RASEF: variants seen among roughly 807,000 people sequenced by gnomAD.
The protein encoded by RASEF is ras and EF-hand domain-containing protein.
RASEF carries 68 observed loss-of-function variants against 90.1 expected under a neutral mutation model. That is an observed-to-expected ratio of 0.75 (90% CI 0.62 to 0.92). The LOEUF (loss-of-function observed/expected upper bound fraction) is 0.92. Among genes scored for constraint, RASEF ranks in the 40% least tolerant of loss-of-function variants. RASEF has a pLI of 0.00. For missense variants in RASEF, 949 were observed against 937.2 expected (o/e 1.01, Z -0.16); for synonymous variants, 331 against 345.2 (o/e 0.96, Z 0.46).
chr9:83,013,928 G>A (rs1466126581), intron 4 of RASEF, among the ~76,000 whole-genome samples: 1 of 152,178 alleles, frequency 6.6e-6, no homozygotes, highest in African/African-American at 2.4e-5. Flanking sequence ...AACTATCCGA[G>A]GTGCTTCAGG....
chr9:83,147,378 A>G, the RASEF span, among the ~76,000 whole-genome samples: 2 of 152,194 alleles, frequency 1.3e-5, no homozygotes, highest in East Asian at 1.9e-4. Context: ...AGGTCGGCGC[A>G]TATTAAAATT....
At chr9:83,006,514 A>T (rs1265787932) in intron 7 of RASEF, among the ~76,000 whole-genome samples, 1 of 152,206 alleles carries the variant, frequency 6.6e-6, no homozygotes, top group Non-Finnish European at 1.5e-5. Context: ...TGGTGAAAAA[A>T]AAAAAGGTCA....
intron 5 of RASEF, among the ~76,000 whole-genome samples, chr9:83,011,563 A>AAAAC (rs1829245229): frequency 6.7e-6 from 1 of 150,240 alleles, no homozygotes; most frequent in African/African-American, 2.4e-5. Context: ...AAAAAAAAAA[A>AAAAC]AAAAAAAAAA....
At chr9:83,191,543 G>T in the RASEF span, among the ~76,000 whole-genome samples, 110 of 152,152 alleles carry the variant, frequency 7.2e-4, no homozygotes, top group Admixed American at 1.8e-3. Flanking sequence ...AGAATATTCA[G>T]GCATCATTTT....
the RASEF span, among the ~76,000 whole-genome samples, chr9:83,167,315 TACC>T: frequency 1.3e-5 from 2 of 150,770 alleles, no homozygotes; most frequent in Admixed American, 1.3e-4. Context: ...TTCCTGCCTC[TACC>T]ACAAGTTAGC....
chr9:83,178,281 C>T, the RASEF span, among the ~76,000 whole-genome samples: 1 of 152,174 alleles, frequency 6.6e-6, no homozygotes, highest in Non-Finnish European at 1.5e-5. Context: ...ACTATGCAGA[C>T]ACCTGCTAAT....
intron 1 of RASEF, among the ~76,000 whole-genome samples, chr9:83,030,083 G>C (rs557284762): frequency 1.8e-4 from 28 of 152,316 alleles, no homozygotes; most frequent in African/African-American, 6.3e-4. Flanking sequence ...CTGTCACCGA[G>C]TGGGGGGATG....
At chr9:83,128,025 C>CTTTTTTTTTTTTTTTTTTTTTTTTT in the RASEF span, among the ~76,000 whole-genome samples, 2 of 134,724 alleles carry the variant, frequency 1.5e-5, no homozygotes, top group African/African-American at 2.8e-5. Context: ...TTTTTCTTTT[C>CTTTTTTTTTTTTTTTTTTTTTTTTT]TTTTTTTTTT....
upstream of RASEF, among the ~76,000 whole-genome samples, chr9:83,065,042 T>C (rs942590084): frequency 2.0e-5 from 3 of 152,176 alleles, no homozygotes; most frequent in African/African-American, 7.2e-5. Context: ...CACTCCAGCC[T>C]GGGCAACAGA....
chr9:83,160,689 G>A, the RASEF span, among the ~76,000 whole-genome samples: 1 of 152,164 alleles, frequency 6.6e-6, no homozygotes, highest in East Asian at 1.9e-4. Context: ...CCAAGATAAT[G>A]GGGAAAATGT....
chr9:83,168,953 T>G, the RASEF span, among the ~76,000 whole-genome samples: 6 of 152,200 alleles, frequency 3.9e-5, no homozygotes, highest in East Asian at 9.7e-4. Flanking sequence ...CTGCCTGTTT[T>G]CTTGTGCTCA....
the RASEF span, among the ~76,000 whole-genome samples, chr9:83,184,586 C>T: frequency 6.6e-6 from 1 of 152,132 alleles, no homozygotes; most frequent in African/African-American, 2.4e-5. Context: ...CACTCTGTCA[C>T]TCAAACTCAA....
chr9:83,118,932 C>T, the RASEF span, among the ~76,000 whole-genome samples: 1 of 152,006 alleles, frequency 6.6e-6, no homozygotes, highest in Admixed American at 6.6e-5. Context: ...GAAATAGCAT[C>T]CTACGTCTTA....
the RASEF span, among the ~76,000 whole-genome samples, chr9:83,110,514 A>C: frequency 1.3e-5 from 2 of 152,172 alleles, no homozygotes; most frequent in Non-Finnish European, 1.5e-5. Flanking sequence ...TAGCACCTTA[A>C]CTTAGAATGA....
chr9:83,109,977 G>T, the RASEF span, among the ~76,000 whole-genome samples: 1 of 152,178 alleles, frequency 6.6e-6, no homozygotes, highest in South Asian at 2.1e-4. Context: ...ATCAATTTGT[G>T]TGCTAAGAAT....
intron 12 of RASEF, among the ~76,000 whole-genome samples, 181 bp downstream of exon 12, chr9:82,999,984 GACAC>G (rs55873985): frequency 0.11 from 15,899 of 140,646 alleles, 861 homozygotes; most frequent in Middle Eastern, 0.14. Context: ...TAGACTAGGA[GACAC>G]ACACACACAC....
chr9:83,069,313 C>A, the RASEF span, among the ~76,000 whole-genome samples: 1 of 152,126 alleles, frequency 6.6e-6, no homozygotes, highest in African/African-American at 2.4e-5. Context: ...TTGCCATTGA[C>A]CCCCTTCCCC....
chr9:82,984,417 C>T (rs890758338), intron 16 of RASEF, among the ~76,000 whole-genome samples: 7 of 152,070 alleles, frequency 4.6e-5, no homozygotes, highest in South Asian at 2.1e-4. Context: ...TCCTACCTTT[C>T]GAAATCCACT....
chr9:83,183,277 T>C, the RASEF span, among the ~76,000 whole-genome samples: 1 of 148,906 alleles, frequency 6.7e-6, no homozygotes, highest in Non-Finnish European at 1.5e-5. Flanking sequence ...TATATATATA[T>C]ATATATATAC....
Sources: gnomAD v4.1 joint callset for allele counts (sites outside exome capture counted in the v4.1 genomes callset) on GRCh38, gnomAD v4.1.1 for gene constraint, MANE v1.5 for transcripts, NCBI Gene and HGNC (gene_info 2026-07-23, HGNC 2026-07-21) for gene names.